KCNT2: variants seen among roughly 807,000 people sequenced by gnomAD.
KCNT2 encodes the protein potassium channel subfamily T member 2.
A neutral mutation model predicts 153.8 loss-of-function variants in KCNT2; 67 were observed. The ratio of observed to expected loss-of-function variants is 0.44; its 90% CI spans 0.36 to 0.53. The LOEUF (loss-of-function observed/expected upper bound fraction) is 0.53. Among genes scored for constraint, KCNT2 ranks in the 20% least tolerant of loss-of-function variants. The pLI is 0.00. For missense variants in KCNT2, 975 were observed against 1,354.8 expected (o/e 0.72, Z 4.40); for synonymous variants, 500 against 458.8 (o/e 1.09, Z -1.15).
At chr1:196,468,945 C>T in intron 6 of KCNT2, 49 bp downstream of exon 6, 1 of 1,081,036 alleles carries the variant, frequency 9.3e-7, no homozygotes, top group Non-Finnish European at 1.4e-6. Context: ...AAATATTTTA[C>T]TTAAGTCTAA....
chr1:196,298,387 A>G (rs1003998547), intron 22 of KCNT2, among the ~76,000 whole-genome samples: 3 of 152,306 alleles, frequency 2.0e-5, no homozygotes, highest in Admixed American at 6.5e-5. Flanking sequence ...ATTAGCTAAA[A>G]TAACTCACAG....
At chr1:196,250,946 C>A (rs1219687224) in intron 26 of KCNT2, among the ~76,000 whole-genome samples, 1 of 152,010 alleles carries the variant, frequency 6.6e-6, no homozygotes, top group East Asian at 1.9e-4. Flanking sequence ...CAATTAAATG[C>A]TTTCATCCAA....
intron 20 of KCNT2, 90 bp downstream of exon 20, chr1:196,319,394 A>T: frequency 1.4e-6 from 1 of 712,640 alleles, no homozygotes; most frequent in South Asian, 2.4e-5. Context: ...TGACACGGCA[A>T]ATTACACTCA....
chr1:196,305,420 G>C, intron 21 of KCNT2, 75 bp from the exon 22 acceptor site: 2 of 785,796 alleles, frequency 2.5e-6, no homozygotes, highest in Non-Finnish European at 4.4e-6. Context: ...ATTTATGAGT[G>C]AGTGATTCCT....
At chr1:196,408,109 T>A (rs1291791799) in intron 12 of KCNT2, among the ~76,000 whole-genome samples, 1 of 151,538 alleles carries the variant, frequency 6.6e-6, no homozygotes, top group African/African-American at 2.4e-5. Context: ...GCCCTGATAA[T>A]CTTAACTGTT....
intron 21 of KCNT2, among the ~76,000 whole-genome samples, chr1:196,313,529 C>T (rs1174707825): frequency 6.6e-6 from 1 of 151,536 alleles, no homozygotes; most frequent in East Asian, 1.9e-4. Flanking sequence ...TAAAATGCAA[C>T]TCCCAAGTCT....
At chr1:196,236,929 G>T (rs1005483552) in intron 26 of KCNT2, among the ~76,000 whole-genome samples, 3 of 151,128 alleles carry the variant, frequency 2.0e-5, no homozygotes, top group African/African-American at 7.3e-5. Context: ...TCCTCCCATG[G>T]GTAAAGTTTT....
intron 1 of KCNT2, among the ~76,000 whole-genome samples, chr1:196,552,229 A>T (rs1300538441): frequency 6.6e-6 from 1 of 151,480 alleles, no homozygotes; most frequent in East Asian, 1.9e-4. Context: ...AACACTCTCC[A>T]ATTCTCTTGA....
At chr1:196,547,151 G>A (rs1040520791) in intron 1 of KCNT2, among the ~76,000 whole-genome samples, 5 of 151,930 alleles carry the variant, frequency 3.3e-5, no homozygotes, top group South Asian at 2.1e-4. Flanking sequence ...TCCTTGTGGA[G>A]AGAATAAAAA....
intron 1 of KCNT2, among the ~76,000 whole-genome samples, chr1:196,563,444 A>G (rs1572841401): frequency 8.3e-6 from 1 of 120,086 alleles, no homozygotes; most frequent in Non-Finnish European, 1.7e-5. Context: ...ATAACAAAAA[A>G]AAAAAAGAAA....
intron 12 of KCNT2, among the ~76,000 whole-genome samples, chr1:196,405,976 G>A (rs956847427): frequency 1.3e-5 from 2 of 151,448 alleles, no homozygotes; most frequent in South Asian, 2.1e-4. Flanking sequence ...GAAAACATTC[G>A]AATGTATTGT....
At chr1:196,417,474 C>G (rs1331939679) in intron 12 of KCNT2, among the ~76,000 whole-genome samples, 1 of 152,078 alleles carries the variant, frequency 6.6e-6, no homozygotes, top group African/African-American at 2.4e-5. Context: ...ACACATATTT[C>G]CACTCCGCAG....
At chr1:196,312,489 G>A (rs941027046) in intron 21 of KCNT2, among the ~76,000 whole-genome samples, 1 of 151,736 alleles carries the variant, frequency 6.6e-6, no homozygotes, top group African/African-American at 2.4e-5. Context: ...TGTCTAGGTC[G>A]TTCTAGGACT....
At chr1:196,440,468 A>T (rs1675128949) in intron 8 of KCNT2, among the ~76,000 whole-genome samples, 1 of 152,048 alleles carries the variant, frequency 6.6e-6, no homozygotes, top group Non-Finnish European at 1.5e-5. Context: ...TTTACCAAAC[A>T]TATCTGCCAA....
chr1:196,228,394 C>A, intron 27 of KCNT2, 59 bp from the exon 28 acceptor site: 1 of 800,104 alleles, frequency 1.2e-6, no homozygotes, highest in Non-Finnish European at 2.1e-6. Flanking sequence ...AACATTAATT[C>A]ACACTGACAC....
At chr1:196,511,153 AC>A (rs1681596014) in intron 1 of KCNT2, among the ~76,000 whole-genome samples, 23 of 134,430 alleles carry the variant, frequency 1.7e-4, no homozygotes. Flanking sequence ...ACACACACAC[AC>A]ACAACTTTTT....
intron 21 of KCNT2, among the ~76,000 whole-genome samples, chr1:196,306,201 ATATGATATGTCTT>A (rs1661623189): frequency 6.6e-6 from 1 of 152,060 alleles, no homozygotes; most frequent in East Asian, 1.9e-4. Flanking sequence ...TTTGTTTTTC[ATATGATATGTCTT>A]TAAACTAAGT....
chr1:196,602,086 T>C (rs896425207), intron 1 of KCNT2, among the ~76,000 whole-genome samples: 1 of 152,190 alleles, frequency 6.6e-6, no homozygotes, highest in African/African-American at 2.4e-5. Context: ...ATAATTGTCT[T>C]TCTGGATAAT....
intron 1 of KCNT2, among the ~76,000 whole-genome samples, chr1:196,498,032 T>C (rs1043929318): frequency 1.3e-5 from 2 of 152,202 alleles, no homozygotes; most frequent in Non-Finnish European, 2.9e-5. Flanking sequence ...CATCAATTTT[T>C]CCTAATGATA....
Sources: allele counts gnomAD v4.1 joint callset (sites outside exome capture counted in the v4.1 genomes callset), GRCh38; gene constraint gnomAD v4.1.1; transcripts MANE v1.5; gene names NCBI Gene and HGNC (gene_info 2026-07-23, HGNC 2026-07-21).